Variants in POLK observed in about 807,000 individuals in gnomAD.
POLK encodes the protein polymerase (DNA directed) kappa.
POLK carries 76 observed loss-of-function variants against 94.0 expected under a neutral mutation model. That is an observed-to-expected ratio of 0.81 (90% CI 0.67 to 0.98). The LOEUF (loss-of-function observed/expected upper bound fraction) is 0.98. POLK is among the 50% of genes least tolerant of loss of function. POLK has a pLI of 0.00. For synonymous variants in POLK, 349 were observed against 325.4 expected, an observed-to-expected ratio of 1.07 and a Z score of -0.78; for missense variants, 954 against 1,010.1, an observed-to-expected ratio of 0.94 and a Z score of 0.75.
chr5:75,526,574 G>GTT (rs1257109023), intron 1 of POLK, among the ~76,000 whole-genome samples: 198 of 127,574 alleles, frequency 1.6e-3, no homozygotes, highest in African/African-American at 3.2e-3. Context: ...TTTTTTTTTT[G>GTT]TTTTTTTTTT....
At chr5:75,605,889 A>C (rs1408693400), downstream of POLK, among the ~76,000 whole-genome samples, 2 of 151,350 alleles carry the variant, frequency 1.3e-5, no homozygotes, top group African/African-American at 4.9e-5. Context: ...GTGGGACGAG[A>C]GATTTGGAAA....
At chr5:75,589,378 T>C (rs1427456696) in intron 10 of POLK, among the ~76,000 whole-genome samples, 1 of 102,956 alleles carries the variant, frequency 9.7e-6, no homozygotes, top group African/African-American at 4.0e-5. Context: ...ATTTTATATA[T>C]ATACACACAT....
At chr5:75,515,497 ATCT>A (rs1768281115) in intron 1 of POLK, among the ~76,000 whole-genome samples, 1 of 152,326 alleles carries the variant, frequency 6.6e-6, no homozygotes, top group East Asian at 1.9e-4. Flanking sequence ...TATAGACCAC[ATCT>A]TCTTTATCCA....
intron 4 of POLK, among the ~76,000 whole-genome samples, chr5:75,573,514 T>TA (rs1310344834): frequency 1.3e-4 from 20 of 151,932 alleles, no homozygotes; most frequent in Non-Finnish European, 2.5e-4. Context: ...AAAGTATAAT[T>TA]AAAAAAATAT....
intron 1 of POLK, among the ~76,000 whole-genome samples, chr5:75,518,432 A>C (rs1348984519): frequency 1.3e-5 from 2 of 152,160 alleles, no homozygotes; most frequent in Non-Finnish European, 1.5e-5. Context: ...ATAGTTGCTC[A>C]TAATAGTATA....
chr5:75,583,233 G>T, intron 7 of POLK, 60 bp from the exon 8 acceptor site: 11 of 1,243,452 alleles, frequency 8.8e-6, no homozygotes, highest in East Asian at 2.6e-5. Context: ...TTTTGTTATT[G>T]CATATTTAAA....
intron 3 of POLK, among the ~76,000 whole-genome samples, chr5:75,556,722 T>C (rs1019511306): frequency 1.3e-5 from 2 of 151,996 alleles, no homozygotes; most frequent in African/African-American, 4.8e-5. Context: ...TCTTTTTTTT[T>C]TTTTTAACAT....
intron 11 of POLK, among the ~76,000 whole-genome samples, chr5:75,591,496 T>A (rs1421691994): frequency 6.6e-6 from 1 of 152,208 alleles, no homozygotes. Flanking sequence ...AGCATACTCC[T>A]CACCTGGTTT....
chr5:75,602,741 T>C (rs1773322534), downstream of POLK, among the ~76,000 whole-genome samples: 2 of 152,318 alleles, frequency 1.3e-5, no homozygotes, highest in Non-Finnish European at 1.5e-5. Context: ...ATGTGTATAA[T>C]CCTCTCTTCA....
intron 10 of POLK, among the ~76,000 whole-genome samples, chr5:75,589,746 C>A (rs1772680692): frequency 6.6e-6 from 1 of 152,200 alleles, no homozygotes; most frequent in African/African-American, 2.4e-5. Flanking sequence ...AGGGTCCATA[C>A]TCATCATTCT....
rs187247453 is a variant in POLK, at chr5:75,514,680, T to C, written c.-14+2766T>C. ...TTAGGCGCTTGCAATACATAACTTT[T>C]AATACATATAGAATTGATTTTAGAT... On this transcript the variant is annotated intron_variant, in intron 1 of 14. Coordinates refer to ENST00000241436, the Ensembl canonical transcript of POLK. Among the ~76,000 whole-genome samples, 658 of 152,300 alleles carry C rather than the reference T, an allele frequency of 4.3e-3. 3 individuals are homozygous for C. Among genetic ancestry groups the C allele is most frequent in the Non-Finnish European group, 6.0e-3 (407 of 68,028 alleles).
At chr5:75,596,745 A>G in exon 13 of POLK, 19 of 1,613,224 alleles carry the variant, frequency 1.2e-5, no homozygotes, top group Non-Finnish European at 1.6e-5. Flanking sequence ...GTGAGAAGCA[A>G]GATTATGAAG....
intron 1 of POLK, among the ~76,000 whole-genome samples, chr5:75,514,622 C>T (rs556416782): frequency 4.6e-5 from 7 of 152,190 alleles, no homozygotes; most frequent in African/African-American, 1.7e-4. Flanking sequence ...CCCAGATCAT[C>T]GCTAGTGAAT....
At chr5:75,513,073 A>G (rs1047723545) in intron 1 of POLK, 1 of 152,222 alleles carries the variant, frequency 6.6e-6, no homozygotes, top group Admixed American at 6.5e-5. Flanking sequence ...TCCCAGTATC[A>G]TATTTTTTTC....
At chr5:75,560,601 G>A (rs549824136) in intron 3 of POLK, among the ~76,000 whole-genome samples, 17 of 152,036 alleles carry the variant, frequency 1.1e-4, no homozygotes, top group Non-Finnish European at 2.1e-4. Context: ...CATGTGCCAC[G>A]GTGGTCTGCT....
At chr5:75,529,451 A>G (rs543889417) in intron 1 of POLK, among the ~76,000 whole-genome samples, 2 of 152,182 alleles carry the variant, frequency 1.3e-5, no homozygotes, top group East Asian at 3.9e-4. Flanking sequence ...ACATTTCAAC[A>G]TGAGATTTGG....
At chr5:75,523,427 G>A (rs1015005548) in intron 1 of POLK, among the ~76,000 whole-genome samples, 2 of 152,114 alleles carry the variant, frequency 1.3e-5, no homozygotes, top group African/African-American at 4.8e-5. Context: ...TAAAGTCAAG[G>A]GGATCAATGA....
chr5:75,515,382 G>T (rs1200149548), intron 1 of POLK, among the ~76,000 whole-genome samples: 4 of 152,082 alleles, frequency 2.6e-5, no homozygotes, highest in Non-Finnish European at 5.9e-5. Context: ...AAATAGGGAG[G>T]CCTCAAGCAA....
At chr5:75,568,969 T>C (rs964653324) in intron 3 of POLK, among the ~76,000 whole-genome samples, 1 of 152,200 alleles carries the variant, frequency 6.6e-6, no homozygotes, top group African/African-American at 2.4e-5. Context: ...ATTCATTCAT[T>C]AAATATTAAG....
Sources: gnomAD v4.1 joint callset for allele counts (sites outside exome capture counted in the v4.1 genomes callset) on GRCh38, gnomAD v4.1.1 for gene constraint, MANE v1.5 for transcripts, NCBI Gene and HGNC (gene_info 2026-07-23, HGNC 2026-07-21) for gene names.